The following MBD5 variants were observed in gnomAD, a reference collection of about 807,000 sequenced individuals.
The protein encoded by MBD5 is methyl-CpG binding domain protein 5.
In MBD5, 13 loss-of-function variants were observed where a neutral mutation model predicts 117.3. That is an observed-to-expected ratio of 0.11 (90% CI 0.07 to 0.18). The LOEUF is 0.18. Ranked by LOEUF, MBD5 falls within the 10% of genes least tolerant of loss-of-function variation. MBD5 has a pLI of 1.00. For missense variants in MBD5, 1,879 were observed against 2,093.8 expected, an observed-to-expected ratio of 0.90 and a Z score of 2.00; for synonymous variants, 727 against 766.4, an observed-to-expected ratio of 0.95 and a Z score of 0.85.
chr2:148,302,770 A>G (rs1701802985), intron 3 of MBD5, among the ~76,000 whole-genome samples: 1 of 151,676 alleles, frequency 6.6e-6, no homozygotes, highest in Non-Finnish European at 1.5e-5. Flanking sequence ...AGCTGGCACT[A>G]CAATGTACAC....
intron 3 of MBD5, among the ~76,000 whole-genome samples, chr2:148,249,035 A>T (rs1700408083): frequency 6.6e-6 from 1 of 152,170 alleles, no homozygotes; most frequent in African/African-American, 2.4e-5. Context: ...AAATATGAAA[A>T]GCAAAACTAT....
intron 1 of MBD5, among the ~76,000 whole-genome samples, chr2:148,128,376 A>G (rs558775257): frequency 8.2e-4 from 125 of 152,316 alleles, no homozygotes; most frequent in Admixed American, 1.4e-3. Context: ...ATTGATCCTT[A>G]TAATAGCCTT....
At chr2:148,233,724 A>G (rs944872156) in intron 3 of MBD5, among the ~76,000 whole-genome samples, 5 of 152,164 alleles carry the variant, frequency 3.3e-5, no homozygotes, top group African/African-American at 1.2e-4. Context: ...GGACACATAT[A>G]TAACTGTAAA....
intron 3 of MBD5, among the ~76,000 whole-genome samples, chr2:148,248,630 G>A (rs1242561751): frequency 6.6e-6 from 1 of 151,860 alleles, no homozygotes; most frequent in Non-Finnish European, 1.5e-5. Context: ...AAATTATCAG[G>A]GAGAATATAA....
chr2:148,446,795 G>GC (rs764505927), intron 4 of MBD5, among the ~76,000 whole-genome samples: 1 of 152,064 alleles, frequency 6.6e-6, no homozygotes, highest in Non-Finnish European at 1.5e-5. Flanking sequence ...CTGAGGAAGA[G>GC]CCTTGTCACA....
intron 1 of MBD5, among the ~76,000 whole-genome samples, chr2:148,171,997 A>C (rs1698274597): frequency 6.6e-6 from 1 of 152,200 alleles, no homozygotes; most frequent in African/African-American, 2.4e-5. Flanking sequence ...GCATAGCAAG[A>C]CCCCATCTCT....
At chr2:148,337,082 C>T (rs916156812) in intron 3 of MBD5, among the ~76,000 whole-genome samples, 3 of 152,204 alleles carry the variant, frequency 2.0e-5, no homozygotes, top group African/African-American at 7.2e-5. Flanking sequence ...TCAAAAATGT[C>T]TTCAGACAAA....
intron 4 of MBD5, among the ~76,000 whole-genome samples, chr2:148,428,123 A>G (rs1045222768): frequency 1.3e-5 from 2 of 152,208 alleles, no homozygotes; most frequent in Non-Finnish European, 2.9e-5. Context: ...AATCTCCTTA[A>G]GCAGATAAGG....
At chr2:148,098,308 C>T (rs940942169) in intron 1 of MBD5, among the ~76,000 whole-genome samples, 2 of 152,004 alleles carry the variant, frequency 1.3e-5, no homozygotes, top group African/African-American at 2.4e-5. Flanking sequence ...TTTGGATTGG[C>T]AGTAGCGGAA....
chr2:148,171,563 C>T (rs571821506), intron 1 of MBD5, among the ~76,000 whole-genome samples: 1 of 152,230 alleles, frequency 6.6e-6, no homozygotes, highest in Non-Finnish European at 1.5e-5. Context: ...CAGAAAAAGA[C>T]AAACATACCC....
intron 4 of MBD5, among the ~76,000 whole-genome samples, chr2:148,409,386 C>CAA (rs776225951): frequency 9.1e-6 from 1 of 109,534 alleles, no homozygotes. Flanking sequence ...GGCCCTGTCT[C>CAA]AAAAAAAAAA....
intron 1 of MBD5, among the ~76,000 whole-genome samples, chr2:148,034,498 A>G (rs944401307): frequency 1.3e-5 from 2 of 152,202 alleles, no homozygotes; most frequent in African/African-American, 4.8e-5. Context: ...TTTTACTGCA[A>G]TATTTTTTCA....
At chr2:148,455,651 AT>A (rs1335229600) in intron 4 of MBD5, among the ~76,000 whole-genome samples, 4 of 152,056 alleles carry the variant, frequency 2.6e-5, no homozygotes, top group African/African-American at 9.7e-5. Flanking sequence ...TGAGGGAAGC[AT>A]TTGGCAGGAA....
intron 3 of MBD5, among the ~76,000 whole-genome samples, chr2:148,340,508 G>T (rs945594875): frequency 3.9e-5 from 6 of 152,056 alleles, no homozygotes; most frequent in African/African-American, 1.2e-4. Flanking sequence ...TAATTTTACA[G>T]TAATGAAGTA....
chr2:148,508,052 C>T (rs772554593), intron 12 of MBD5, among the ~76,000 whole-genome samples: 1 of 152,150 alleles, frequency 6.6e-6, no homozygotes. Context: ...ACACACAGTG[C>T]GATATTGTCA....
chr2:148,075,636 C>CT (rs1249441299), intron 1 of MBD5, among the ~76,000 whole-genome samples: 1,835 of 140,054 alleles, frequency 0.013, 41 homozygotes, highest in African/African-American at 0.043. Context: ...TCTTGTGGGT[C>CT]TTTTTTTTTT....
At chr2:148,220,858 C>G (rs1389408020) in intron 2 of MBD5, among the ~76,000 whole-genome samples, 3 of 152,066 alleles carry the variant, frequency 2.0e-5, no homozygotes, top group African/African-American at 7.2e-5. Context: ...GTTGTGCTAT[C>G]AAATACTAGG....
At chr2:148,214,297 C>G (rs1365491861) in intron 2 of MBD5, among the ~76,000 whole-genome samples, 3 of 152,278 alleles carry the variant, frequency 2.0e-5, no homozygotes, top group Middle Eastern at 3.4e-3. Context: ...CATAAATAAG[C>G]ATGGCTGTGT....
chr2:148,453,902 T>C (rs1311069428), intron 4 of MBD5, among the ~76,000 whole-genome samples: 1 of 152,052 alleles, frequency 6.6e-6, no homozygotes, highest in Non-Finnish European at 1.5e-5. Context: ...AGTTCTACCC[T>C]CCTGGCACTT....
Sources: gnomAD v4.1 joint callset for allele counts (sites outside exome capture counted in the v4.1 genomes callset) on GRCh38, gnomAD v4.1.1 for gene constraint, MANE v1.5 for transcripts, NCBI Gene and HGNC (gene_info 2026-07-23, HGNC 2026-07-21) for gene names.